Variants in ZMYND11 observed in about 807,000 individuals in gnomAD.
The protein encoded by ZMYND11 is zinc finger MYND-type containing 11.
Under a neutral mutation model 84.9 loss-of-function variants are expected in ZMYND11, and 9 were observed. The observed-to-expected ratio is 0.11, with a 90% CI of 0.06 to 0.18. The LOEUF (loss-of-function observed/expected upper bound fraction) is 0.18, where lower values mean the gene tolerates loss of function less well. ZMYND11 is among the 10% of genes least tolerant of loss of function. The probability of loss-of-function intolerance (pLI) is 1.00; values close to 1 mark genes in which losing one functional copy is unlikely to be tolerated. For missense variants in ZMYND11, 409 were observed against 761.0 expected (o/e 0.54, Z 5.44); for synonymous variants, 250 against 244.1 (o/e 1.02, Z -0.23).
At chr10:234,145 T>G (rs1372095548) in intron 4 of ZMYND11, among the ~76,000 whole-genome samples, 1 of 152,238 alleles carries the variant, frequency 6.6e-6, no homozygotes, top group Non-Finnish European at 1.5e-5. Flanking sequence ...GCATAATCTT[T>G]GCCCATATAG....
At chr10:171,305 C>T (rs1845260077) in intron 1 of ZMYND11, among the ~76,000 whole-genome samples, 1 of 152,132 alleles carries the variant, frequency 6.6e-6, no homozygotes, top group Admixed American at 6.6e-5. Flanking sequence ...AACTCAAAAA[C>T]ATCAATCAAC....
At chr10:221,392 G>T (rs1008523159) in intron 4 of ZMYND11, 36 bp downstream of exon 4, 2 of 1,595,756 alleles carry the variant, frequency 1.3e-6, no homozygotes, top group Non-Finnish European at 1.7e-6. Context: ...CTGGTTAGAG[G>T]GTTGGAATTA....
intron 1 of ZMYND11, chr10:148,806 A>T (rs574370097): frequency 6.6e-6 from 1 of 152,232 alleles, no homozygotes; most frequent in Admixed American, 6.5e-5. Context: ...CTCATCCACC[A>T]TTGATTTTCC....
At chr10:160,419 G>C (rs1440081074) in intron 1 of ZMYND11, among the ~76,000 whole-genome samples, 1 of 152,242 alleles carries the variant, frequency 6.6e-6, no homozygotes, top group Admixed American at 6.5e-5. Context: ...GTTGATGGCT[G>C]CTGACTGATT....
intron 1 of ZMYND11, among the ~76,000 whole-genome samples, chr10:167,528 A>G (rs148797997): frequency 2.0e-5 from 3 of 152,286 alleles, no homozygotes; most frequent in East Asian, 1.9e-4. Context: ...CTGTTTTGCT[A>G]TCAGGAACCT....
At chr10:198,799 C>T (rs774202693) in intron 2 of ZMYND11, among the ~76,000 whole-genome samples, 1 of 152,082 alleles carries the variant, frequency 6.6e-6, no homozygotes, top group Non-Finnish European at 1.5e-5. Flanking sequence ...TAATTGTGTG[C>T]CATATATCTA....
At chr10:233,360 T>TC (rs1408432824) in intron 4 of ZMYND11, among the ~76,000 whole-genome samples, 1 of 152,136 alleles carries the variant, frequency 6.6e-6, no homozygotes, top group Non-Finnish European at 1.5e-5. Context: ...AGATCCCCAC[T>TC]CCCACGCCCT....
At chr10:236,717 AAG>A (rs975384101) in intron 4 of ZMYND11, 119 bp from the exon 5 acceptor site, 36 of 785,634 alleles carry the variant, frequency 4.6e-5, no homozygotes, top group Admixed American at 3.0e-4. Context: ...ATGTTGGAAA[AAG>A]AGCACTTTTA....
intron 1 of ZMYND11, among the ~76,000 whole-genome samples, chr10:158,994 T>TTG (rs1554760520): frequency 4.1e-5 from 6 of 145,766 alleles, no homozygotes; most frequent in South Asian, 2.1e-4. Flanking sequence ...GTTTTTTGTT[T>TTG]TTTTTTTTTT....
chr10:197,888 C>G, intron 2 of ZMYND11: 1 of 566,178 alleles, frequency 1.8e-6, no homozygotes, highest in South Asian at 2.3e-5. Flanking sequence ...GACTATCAAA[C>G]TTACAATATA....
intron 1 of ZMYND11, among the ~76,000 whole-genome samples, chr10:156,284 T>C (rs1554758924): frequency 6.6e-6 from 1 of 152,194 alleles, no homozygotes; most frequent in Non-Finnish European, 1.5e-5. Context: ...TTCTGTATTG[T>C]TGCATATGAT....
intron 2 of ZMYND11, among the ~76,000 whole-genome samples, chr10:189,174 C>T (rs1288426740): frequency 1.3e-5 from 2 of 152,200 alleles, no homozygotes; most frequent in South Asian, 4.1e-4. Context: ...TTTCTGAGTT[C>T]TCCTGGAGTT....
intron 1 of ZMYND11, among the ~76,000 whole-genome samples, chr10:166,034 A>G (rs1240581720): frequency 1.3e-5 from 2 of 152,240 alleles, no homozygotes; most frequent in East Asian, 3.9e-4. Context: ...AGTTGGTGCC[A>G]AGATAACTTG....
At chr10:151,235 GAGA>G (rs1246969779) in intron 1 of ZMYND11, among the ~76,000 whole-genome samples, 2 of 152,198 alleles carry the variant, frequency 1.3e-5, no homozygotes, top group African/African-American at 2.4e-5. Flanking sequence ...CACGAGTTGA[GAGA>G]AGAAGGCTTC....
Position 236,281 on chromosome 10 carries a change from A to G in ZMYND11, c.439-557A>G, listed in dbSNP as rs148610132. On this transcript the variant is annotated intron_variant, in intron 4 of 14. Transcript: ENST00000381604. ...TGTGAAGTTAGACTTTTTTGGTGCA[A>G]TAAATTGAGGAACCTAATTAGCTTG... Among the ~76,000 whole-genome samples the G allele has an allele frequency of 5.1e-4, 77 of 152,354 alleles. No individual in the cohort carries two copies. In the East Asian group the frequency reaches 7.9e-3, roughly 16 times the overall value.
intron 10 of ZMYND11, among the ~76,000 whole-genome samples, chr10:242,877 C>T (rs1244107140): frequency 6.6e-6 from 1 of 152,086 alleles, no homozygotes; most frequent in Non-Finnish European, 1.5e-5. Context: ...GTAAATTTCC[C>T]AGAAGGTAGT....
intron 10 of ZMYND11, among the ~76,000 whole-genome samples, chr10:246,077 G>A (rs1952075210): frequency 1.3e-5 from 2 of 152,124 alleles, no homozygotes; most frequent in African/African-American, 2.4e-5. Context: ...AGAGACCAAT[G>A]CCCAGGAAAA....
At chr10:199,218 A>G (rs969516257) in intron 2 of ZMYND11, among the ~76,000 whole-genome samples, 4 of 151,988 alleles carry the variant, frequency 2.6e-5, no homozygotes, top group East Asian at 1.9e-4. Flanking sequence ...TATTATTGGT[A>G]GCAGAACTCT....
chr10:147,682 A>G (rs1183014905), intron 1 of ZMYND11: 1 of 150,464 alleles, frequency 6.6e-6, no homozygotes, highest in Admixed American at 6.7e-5. Flanking sequence ...TGAAAGCGTT[A>G]AATCTTTTTG....
Sources: gnomAD v4.1 joint callset for allele counts (sites outside exome capture counted in the v4.1 genomes callset) on GRCh38, gnomAD v4.1.1 for gene constraint, MANE v1.5 for transcripts, NCBI Gene and HGNC (gene_info 2026-07-23, HGNC 2026-07-21) for gene names.